The following RABGAP1L variants were observed in gnomAD, a reference collection of about 807,000 sequenced individuals.
The protein encoded by RABGAP1L is rab GTPase-activating protein 1-like.
In RABGAP1L, 63 loss-of-function variants were observed where a neutral mutation model predicts 137.7. That is an observed-to-expected ratio of 0.46 (90% CI 0.37 to 0.56). RABGAP1L has a LOEUF of 0.56. Ranked by LOEUF, RABGAP1L falls within the 20% of genes least tolerant of loss-of-function variation. The pLI is 0.00. For synonymous variants in RABGAP1L, 431 were observed against 433.7 expected (o/e 0.99, Z 0.08); for missense variants, 1,095 against 1,244.0 (o/e 0.88, Z 1.80).
At chr1:174,474,597 T>TGA (rs770552765) in intron 13 of RABGAP1L, among the ~76,000 whole-genome samples, 103 of 151,114 alleles carry the variant, frequency 6.8e-4, no homozygotes, top group Middle Eastern at 3.4e-3. Flanking sequence ...ATGATGATGA[T>TGA]TATTATTATT....
At chr1:174,606,560 A>G (rs965523689) in intron 13 of RABGAP1L, among the ~76,000 whole-genome samples, 2 of 152,218 alleles carry the variant, frequency 1.3e-5, no homozygotes, top group Admixed American at 1.3e-4. Flanking sequence ...GTGTTGACAA[A>G]GCAGACATTT....
chr1:174,349,936 C>A (rs866043967), intron 11 of RABGAP1L, among the ~76,000 whole-genome samples: 1 of 105,528 alleles, frequency 9.5e-6, no homozygotes, highest in Non-Finnish European at 2.0e-5. Flanking sequence ...CCCTCCCGGA[C>A]GGGGCGGCTG....
At chr1:174,678,871 G>A (rs1319039034) in intron 14 of RABGAP1L, among the ~76,000 whole-genome samples, 1 of 152,258 alleles carries the variant, frequency 6.6e-6, no homozygotes, top group African/African-American at 2.4e-5. Context: ...ACTGGATCAG[G>A]AGCACAGCAG....
chr1:174,392,856 G>A (rs933108706), intron 12 of RABGAP1L, among the ~76,000 whole-genome samples: 3 of 152,136 alleles, frequency 2.0e-5, no homozygotes, highest in Non-Finnish European at 2.9e-5. Flanking sequence ...TCAAACCAGA[G>A]TACATTGTCA....
chr1:174,534,061 A>G (rs1020972093), intron 13 of RABGAP1L, among the ~76,000 whole-genome samples: 2 of 151,894 alleles, frequency 1.3e-5, no homozygotes, highest in East Asian at 1.9e-4. Flanking sequence ...TGGGGAGTCA[A>G]AAGTTATACA....
At chr1:174,926,967 A>G (rs1396782198) in intron 19 of RABGAP1L, among the ~76,000 whole-genome samples, 1 of 151,922 alleles carries the variant, frequency 6.6e-6, no homozygotes, top group African/African-American at 2.4e-5. Flanking sequence ...CAGTTACTCC[A>G]GAGGCTGAGG....
At chr1:174,673,633 T>C (rs1235677165) in intron 14 of RABGAP1L, among the ~76,000 whole-genome samples, 1 of 152,198 alleles carries the variant, frequency 6.6e-6, no homozygotes, top group Non-Finnish European at 1.5e-5. Flanking sequence ...ATTTTTTTTA[T>C]TTTTCAGGCA....
intron 19 of RABGAP1L, among the ~76,000 whole-genome samples, chr1:174,895,417 CTTTT>C (rs36080842): frequency 7.5e-6 from 1 of 133,468 alleles, no homozygotes. Context: ...TATTCTAATT[CTTTT>C]TTTTTTTTTT....
chr1:174,327,277 G>T (rs937498434), intron 11 of RABGAP1L, among the ~76,000 whole-genome samples: 3 of 151,514 alleles, frequency 2.0e-5, no homozygotes, highest in South Asian at 4.2e-4. Context: ...ATTTGCTAAG[G>T]TATAAAAAGA....
intron 13 of RABGAP1L, among the ~76,000 whole-genome samples, chr1:174,510,144 A>G (rs1662193963): frequency 6.6e-6 from 1 of 152,080 alleles, no homozygotes; most frequent in East Asian, 1.9e-4. Flanking sequence ...TTTTAGCTTC[A>G]TTTGCAAGGC....
At chr1:174,580,984 C>G (rs1668703918) in intron 13 of RABGAP1L, among the ~76,000 whole-genome samples, 1 of 152,076 alleles carries the variant, frequency 6.6e-6, no homozygotes, top group African/African-American at 2.4e-5. Context: ...GATGAGATAC[C>G]ACTTCACACC....
At chr1:174,695,445 C>T (rs180988515) in intron 15 of RABGAP1L, among the ~76,000 whole-genome samples, 1 of 152,162 alleles carries the variant, frequency 6.6e-6, no homozygotes, top group African/African-American at 2.4e-5. Flanking sequence ...TTCAGAATTT[C>T]TGCTTAATTA....
chr1:174,439,872 C>G lies in RABGAP1L; in HGVS notation c.1710+45727C>G, dbSNP rs189573619. On this transcript the variant is annotated intron_variant, in intron 13 of 25. Coordinates refer to ENST00000681986, the MANE Select transcript of RABGAP1L (RefSeq NM_001366446.1). ...GCAATGGCAAAGAAAGCAGATGTTG[C>G]TCTCCTCATGGGACTTGTAATCTAG... 1.1e-3 allele frequency among the ~76,000 whole-genome samples: 166 copies of G among 152,314 alleles called. 1 individual carries two copies. Among genetic ancestry groups the G allele is most frequent in the Admixed American group, 2.2e-3 (33 of 15,302 alleles).
chr1:174,447,424 C>G (rs1654887767), intron 13 of RABGAP1L, among the ~76,000 whole-genome samples: 1 of 151,764 alleles, frequency 6.6e-6, no homozygotes, highest in Non-Finnish European at 1.5e-5. Context: ...AGTTGTTTTT[C>G]TTAGATTTTA....
At chr1:174,899,482 A>G (rs1657782236) in intron 19 of RABGAP1L, among the ~76,000 whole-genome samples, 2 of 152,194 alleles carry the variant, frequency 1.3e-5, no homozygotes, top group African/African-American at 2.4e-5. Context: ...AACTTGGGCA[A>G]TTCATTTGAT....
chr1:174,913,836 A>AC (rs1251087951), intron 19 of RABGAP1L, among the ~76,000 whole-genome samples: 5 of 152,192 alleles, frequency 3.3e-5, no homozygotes, highest in Non-Finnish European at 5.9e-5. Flanking sequence ...ATGACTGGCC[A>AC]CTCATTGTTT....
chr1:174,860,804 A>G (rs1650139841), intron 19 of RABGAP1L, among the ~76,000 whole-genome samples: 2 of 152,230 alleles, frequency 1.3e-5, no homozygotes, highest in African/African-American at 2.4e-5. Context: ...TGAGATATAA[A>G]TGACAAATAA....
At chr1:174,743,665 T>G (rs1008810532) in intron 17 of RABGAP1L, among the ~76,000 whole-genome samples, 10 of 151,966 alleles carry the variant, frequency 6.6e-5, no homozygotes, top group Admixed American at 5.9e-4. Flanking sequence ...AATAAATAAA[T>G]AAATAATAGC....
chr1:174,615,843 G>A (rs1671788487), intron 13 of RABGAP1L, among the ~76,000 whole-genome samples: 1 of 152,220 alleles, frequency 6.6e-6, no homozygotes, highest in Non-Finnish European at 1.5e-5. Context: ...TGTTGTGCTA[G>A]CAATCAGCGA....
Sources: allele counts gnomAD v4.1 joint callset (sites outside exome capture counted in the v4.1 genomes callset), GRCh38; gene constraint gnomAD v4.1.1; transcripts MANE v1.5; gene names NCBI Gene and HGNC (gene_info 2026-07-23, HGNC 2026-07-21).